The following ABCB10 variants were observed in gnomAD, a reference collection of about 807,000 sequenced individuals.
The protein encoded by ABCB10 is ATP binding cassette subfamily B member 10.
Under a neutral mutation model 65.4 loss-of-function variants are expected in ABCB10, and 54 were observed. The ratio of observed to expected loss-of-function variants is 0.83; its 90% CI spans 0.66 to 1.04. The LOEUF is 1.04. Among genes scored for constraint, ABCB10 ranks in the 50% least tolerant of loss-of-function variants. The probability of loss-of-function intolerance (pLI) is 0.00; values close to 1 mark genes in which losing one functional copy is unlikely to be tolerated. For missense variants in ABCB10, 846 were observed against 976.6 expected, an observed-to-expected ratio of 0.87 and a Z score of 1.78; for synonymous variants, 418 against 406.5, an observed-to-expected ratio of 1.03 and a Z score of -0.34.
rs144417235 is a variant in ABCB10 at position 229,550,255 on chromosome 1, G to A, written c.518-821C>T. On this transcript the variant is annotated intron_variant, in intron 1 of 12. Coordinates refer to ENST00000344517, the MANE Select transcript of ABCB10 (RefSeq NM_012089.3). The stretch of plus-strand genomic sequence containing the variant: ...GAAGAGAAAATATTGGCTTGGCACA[G>A]TGGCTCATGCCTGTAATCCCAGCAC... Among the ~76,000 whole-genome samples, 200 of 152,274 alleles carry A rather than the reference G, an allele frequency of 1.3e-3. 1 individual carries two copies. The highest frequency in any genetic ancestry group is 2.2e-3 in the Admixed American group (33 of 15,296).
intron 1 of ABCB10, among the ~76,000 whole-genome samples, chr1:229,557,578 A>G (rs1663286918): frequency 6.6e-6 from 1 of 152,222 alleles, no homozygotes; most frequent in South Asian, 2.1e-4. Context: ...TAAAAAAGTT[A>G]CTCAATTACT....
Position 229,526,846 on chromosome 1 carries a change from C to A in ABCB10, c.1725+383G>T, listed in dbSNP as rs1010210902. On this transcript the variant is annotated intron_variant, in intron 9 of 12. Coordinates refer to ENST00000344517, the MANE Select transcript of ABCB10 (RefSeq NM_012089.3). ...ACTCTGGCTCTTGCCATAGTCTTTGCTCACTTTTCCCTGAAACTCATTATG... is the reference window on the plus strand; with the variant it reads ...ACTCTGGCTCTTGCCATAGTCTTTGATCACTTTTCCCTGAAACTCATTATG... Among the ~76,000 whole-genome samples the A allele has an allele frequency of 2.6e-5, 4 of 152,202 alleles. 1 individual carries two copies. The highest frequency in any genetic ancestry group is 9.7e-5 in the African/African-American group (4 of 41,450).
At chr1:229,526,835 CAT>C (rs1386835478) in intron 9 of ABCB10, among the ~76,000 whole-genome samples, 3 of 152,198 alleles carry the variant, frequency 2.0e-5, no homozygotes, top group Non-Finnish European at 4.4e-5. Context: ...TGGCTCTTGC[CAT>C]AGTCTTTGCT....
intron 3 of ABCB10, 104 bp downstream of exon 3, chr1:229,547,395 C>T: frequency 7.3e-7 from 1 of 1,364,466 alleles, no homozygotes; most frequent in South Asian, 1.3e-5. Flanking sequence ...TAGGCACTTA[C>T]AGAATGATGC....
chr1:229,523,380 G>T (rs959984997), intron 10 of ABCB10, among the ~76,000 whole-genome samples: 2 of 152,074 alleles, frequency 1.3e-5, no homozygotes, highest in South Asian at 2.1e-4. Flanking sequence ...ATTCCTTTTT[G>T]ATTTTATTGG....
intron 9 of ABCB10, among the ~76,000 whole-genome samples, chr1:229,526,493 G>A (rs902316159): frequency 6.6e-6 from 1 of 152,218 alleles, no homozygotes; most frequent in Non-Finnish European, 1.5e-5. Context: ...ACCCTATGGA[G>A]TAGTCCTAAA....
chr1:229,525,829 C>A, intron 10 of ABCB10, 107 bp downstream of exon 10: 1 of 1,374,918 alleles, frequency 7.3e-7, no homozygotes, highest in Non-Finnish European at 9.9e-7. Context: ...CAGAGCAAGA[C>A]TCAAGACTCC....
rs981254258 is a variant in ABCB10, at chr1:229,558,113, G to C, written c.517+23C>G. 9.7e-6 allele frequency: 13 copies of C among 1,343,652 alleles called. No homozygotes were observed. In the African/African-American group the frequency reaches 2.0e-4, roughly 21 times the overall value. The allele number at this position is 1,343,652 out of a possible 1,614,324, so 83.2% of individuals were successfully genotyped here. On this transcript the variant is annotated intron_variant, in intron 1 of 12. Coordinates refer to ENST00000344517, the MANE Select transcript of ABCB10 (RefSeq NM_012089.3). Reference sequence around the variant, plus strand: ...TGGAGAAGGAGAGGCCCGGCGGAGGGAAGTGGCCGGGGAGGACCCTACCTG... The same window carrying C: ...TGGAGAAGGAGAGGCCCGGCGGAGGCAAGTGGCCGGGGAGGACCCTACCTG...
intron 11 of ABCB10, 175 bp from the exon 12 acceptor site, chr1:229,519,050 AT>A (rs756394609): frequency 4.9e-5 from 24 of 492,306 alleles, no homozygotes; most frequent in East Asian, 3.0e-4. Flanking sequence ...GAGTTCACTT[AT>A]ATGAAATGTC....
intron 1 of ABCB10, among the ~76,000 whole-genome samples, chr1:229,552,612 T>C (rs528663684): frequency 6.6e-6 from 1 of 152,202 alleles, no homozygotes; most frequent in Admixed American, 6.5e-5. Context: ...TGGAGGAAGC[T>C]GTACACTGTG....
At chr1:229,557,322 G>C (rs2102714888) in intron 1 of ABCB10, among the ~76,000 whole-genome samples, 1 of 152,286 alleles carries the variant, frequency 6.6e-6, no homozygotes, top group East Asian at 1.9e-4. Context: ...CACTAACCTA[G>C]AAGCCCCAGC....
chr1:229,519,804 A>AAAGT (rs986096035), intron 11 of ABCB10, among the ~76,000 whole-genome samples: 1 of 137,948 alleles, frequency 7.2e-6, no homozygotes, highest in African/African-American at 2.7e-5. Context: ...ATAAATAAAT[A>AAAGT]AAGTAAGTAA....
At chr1:229,520,049 A>G (rs1662267348) in intron 11 of ABCB10, among the ~76,000 whole-genome samples, 1 of 143,936 alleles carries the variant, frequency 6.9e-6, no homozygotes, top group Non-Finnish European at 1.5e-5. Flanking sequence ...CAGGTAGATT[A>G]CTGAAGCCCA....
intron 1 of ABCB10, among the ~76,000 whole-genome samples, chr1:229,554,369 T>C (rs895624849): frequency 4.6e-5 from 7 of 152,152 alleles, no homozygotes; most frequent in Non-Finnish European, 1.0e-4. Context: ...TCTCTGTCCA[T>C]GCTATTAGCA....
At chr1:229,531,760 A>G in intron 6 of ABCB10, 29 bp from the exon 7 acceptor site, 9 of 1,587,008 alleles carry the variant, frequency 5.7e-6, no homozygotes, top group Non-Finnish European at 7.8e-6. Flanking sequence ...ATCCACACAC[A>G]TGTCCATCAC....
chr1:229,552,007 T>C (rs1663128086), intron 1 of ABCB10, among the ~76,000 whole-genome samples: 1 of 152,226 alleles, frequency 6.6e-6, no homozygotes, highest in African/African-American at 2.4e-5. Context: ...ATGAATGAAA[T>C]GCCCCCTAAT....
chr1:229,520,785 G>A (rs1012089678), intron 11 of ABCB10, among the ~76,000 whole-genome samples: 1 of 152,218 alleles, frequency 6.6e-6, no homozygotes, highest in Non-Finnish European at 1.5e-5. Flanking sequence ...TGTACTAAGT[G>A]AAAGAAGCTA....
intron 1 of ABCB10, among the ~76,000 whole-genome samples, chr1:229,557,823 G>A (rs1047490819): frequency 6.6e-6 from 1 of 152,074 alleles, no homozygotes; most frequent in African/African-American, 2.4e-5. Context: ...TCATTTTGCT[G>A]CCTAAGCCAA....
chr1:229,555,259 C>T (rs1175819919), intron 1 of ABCB10, among the ~76,000 whole-genome samples: 1 of 152,244 alleles, frequency 6.6e-6, no homozygotes, highest in Non-Finnish European at 1.5e-5. Flanking sequence ...ATCTGCCAGG[C>T]ACAGCCAGAC....
Sources: allele counts gnomAD v4.1 joint callset (sites outside exome capture counted in the v4.1 genomes callset), GRCh38; gene constraint gnomAD v4.1.1; transcripts MANE v1.5; gene names NCBI Gene and HGNC (gene_info 2026-07-23, HGNC 2026-07-21).